Variants in TBC1D9 observed in about 807,000 individuals in gnomAD.
TBC1D9 encodes TBC1 domain family member 9.
A neutral mutation model predicts 132.0 loss-of-function variants in TBC1D9; 63 were observed. The observed-to-expected ratio is 0.48, with a 90% CI of 0.39 to 0.59. The LOEUF is 0.59. TBC1D9 is among the 20% of genes least tolerant of loss of function. TBC1D9 has a pLI of 0.00. For synonymous variants in TBC1D9, 610 were observed against 609.9 expected (o/e 1.00, Z 0.00); for missense variants, 1,261 against 1,592.7 (o/e 0.79, Z 3.54).
At chr4:140,680,033 A>G (rs1737681116) in intron 3 of TBC1D9, among the ~76,000 whole-genome samples, 190 bp from the exon 4 acceptor site, 1 of 152,192 alleles carries the variant, frequency 6.6e-6, no homozygotes, top group Admixed American at 6.5e-5. Context: ...CACATAATAT[A>G]GATTTTATTA....
chr4:140,669,774 A>C lies in TBC1D9; in HGVS notation c.1297T>G (p.Ser433Ala), dbSNP rs769515705. ...VYSRPSSLVSSSPQRSTSSDA... is the reference protein window; with the variant it reads ...VYSRPSSLVSASPQRSTSSDA... The stretch of plus-strand genomic sequence containing the variant: ...GAGCTCGTGCTTCTCTGGGGGCTGG[A>C]GGAGACGAGGCTGCTGGGTCGAGAG... Residue 433 changes from serine (S) to alanine (A), a missense_variant, in exon 8 of 21, where the codon TCC becomes GCC. By Grantham distance (99) the Ser-to-Ala change is moderately conservative. Coordinates refer to ENST00000442267, the MANE Select transcript of TBC1D9 (RefSeq NM_015130.3). 64 of 1,613,762 alleles carry C rather than the reference A, an allele frequency of 4.0e-5. 1 individual carries two copies. The highest frequency in any genetic ancestry group is 6.8e-6 in the Non-Finnish European group (8 of 1,179,818).
At chr4:140,685,908 A>T (rs1737771764) in intron 3 of TBC1D9, among the ~76,000 whole-genome samples, 1 of 151,562 alleles carries the variant, frequency 6.6e-6, no homozygotes, top group African/African-American at 2.4e-5. Flanking sequence ...AATAAGTTCT[A>T]ATGTTCCATA....
chr4:140,738,863 T>G (rs1458481537), intron 1 of TBC1D9, among the ~76,000 whole-genome samples: 1 of 152,142 alleles, frequency 6.6e-6, no homozygotes, highest in African/African-American at 2.4e-5. Context: ...AAAATCCACA[T>G]AGTTTTCACA....
intron 13 of TBC1D9, among the ~76,000 whole-genome samples, chr4:140,648,246 C>T (rs994015406): frequency 2.6e-5 from 4 of 152,174 alleles, no homozygotes; most frequent in African/African-American, 9.7e-5. Context: ...GTTTATATCT[C>T]TTATCCAACT....
At chr4:140,628,248 C>T in intron 17 of TBC1D9, 52 bp downstream of exon 17, 2 of 1,570,172 alleles carry the variant, frequency 1.3e-6, no homozygotes, top group South Asian at 1.1e-5. Flanking sequence ...ACAGAGACTT[C>T]AAGCCAGGTC....
chr4:140,673,683 A>C (rs1476584464), intron 6 of TBC1D9, among the ~76,000 whole-genome samples: 3 of 152,146 alleles, frequency 2.0e-5, no homozygotes, highest in African/African-American at 4.8e-5. Context: ...TTCCAACCAC[A>C]ACAAGCTTGA....
chr4:140,743,495 C>T (rs1578864772), intron 1 of TBC1D9, among the ~76,000 whole-genome samples: 1 of 152,154 alleles, frequency 6.6e-6, no homozygotes, highest in East Asian at 1.9e-4. Flanking sequence ...GATTTGAATC[C>T]AGCTGTCTGC....
At chr4:140,683,406 T>C (rs1737734296) in intron 3 of TBC1D9, among the ~76,000 whole-genome samples, 1 of 152,192 alleles carries the variant, frequency 6.6e-6, no homozygotes, top group African/African-American at 2.4e-5. Flanking sequence ...TAGTTGGCTA[T>C]AATTTTTTAG....
At chr4:140,714,351 C>A (rs1274937884) in intron 1 of TBC1D9, among the ~76,000 whole-genome samples, 2 of 152,174 alleles carry the variant, frequency 1.3e-5, no homozygotes, top group East Asian at 3.8e-4. Context: ...TCAATCAACA[C>A]ATGTAAGGTG....
intron 9 of TBC1D9, 87 bp downstream of exon 9, chr4:140,668,830 C>T (rs1405888706): frequency 1.1e-5 from 15 of 1,426,338 alleles, no homozygotes; most frequent in Non-Finnish European, 1.3e-5. Flanking sequence ...TTGAAAGAAC[C>T]CCTGAGGCAT....
intron 13 of TBC1D9, among the ~76,000 whole-genome samples, chr4:140,649,531 A>C (rs1737153743): frequency 6.6e-6 from 1 of 152,174 alleles, no homozygotes; most frequent in South Asian, 2.1e-4. Flanking sequence ...AAATTGATGG[A>C]ATGTGAGGCT....
At chr4:140,637,574 C>T (rs756654973) in intron 15 of TBC1D9, among the ~76,000 whole-genome samples, 87 of 152,318 alleles carry the variant, frequency 5.7e-4, no homozygotes, top group Non-Finnish European at 1.1e-3. Context: ...GCCCTGAGAA[C>T]GTTTCTTCTG....
chr4:140,701,220 C>G (rs1738064112), intron 2 of TBC1D9, among the ~76,000 whole-genome samples: 1 of 152,192 alleles, frequency 6.6e-6, no homozygotes, highest in Non-Finnish European at 1.5e-5. Context: ...CACCCTCACA[C>G]TCTTCCCTTG....
In TBC1D9 at chr4:140,670,910, T is replaced by C. The variant is rs1236916422; in HGVS notation, c.1076A>G (p.Lys359Arg). 1 of 1,613,578 alleles carries C rather than the reference T, an allele frequency of 6.2e-7. No individual in the cohort carries two copies. Among genetic ancestry groups the C allele is most frequent in the Admixed American group, 1.7e-5 (1 of 59,986 alleles). ...IPLREVTIVE[K>R]ADSSSVLPSP... ...GGGGAGCACACTGGAGCTGTCTGCC[T>C]TTTCCACAATTGTCACCTGAAAAGA... Residue 359 changes from lysine to arginine, a missense_variant, in exon 7 of 21, where the codon AAG becomes AGG. By Grantham distance (26) the Lys-to-Arg change is conservative (BLOSUM62 2). Coordinates refer to ENST00000442267, the MANE Select transcript of TBC1D9 (RefSeq NM_015130.3).
At chr4:140,691,752 G>A (rs564319081) in intron 2 of TBC1D9, among the ~76,000 whole-genome samples, 16 of 152,318 alleles carry the variant, frequency 1.1e-4, no homozygotes, top group Middle Eastern at 3.4e-3. Flanking sequence ...ATTTCAAGCA[G>A]TTTTTTAGGG....
intron 2 of TBC1D9, among the ~76,000 whole-genome samples, chr4:140,692,100 T>G (rs938529990): frequency 1.3e-5 from 2 of 152,228 alleles, no homozygotes; most frequent in Admixed American, 6.5e-5. Context: ...AAACCTGTAT[T>G]GCAGAATAAC....
chr4:140,668,516 C>A (rs1737482406), intron 9 of TBC1D9, among the ~76,000 whole-genome samples: 1 of 152,168 alleles, frequency 6.6e-6, no homozygotes, highest in Non-Finnish European at 1.5e-5. Flanking sequence ...CCCAATTCCC[C>A]ACCCGATGAC....
chr4:140,703,342 C>T (rs1411143938), intron 1 of TBC1D9, among the ~76,000 whole-genome samples: 1 of 152,102 alleles, frequency 6.6e-6, no homozygotes, highest in African/African-American at 2.4e-5. Flanking sequence ...TGGTTCTGGC[C>T]ATACCAAATA....
rs745948424 is a variant in TBC1D9, at chr4:140,639,270, C to G, written c.2436+60G>C. On this transcript the variant is annotated intron_variant, in intron 14 of 20. Coordinates refer to ENST00000442267, the MANE Select transcript of TBC1D9 (RefSeq NM_015130.3). ...GTTCTGTCAGGCAGGAATCCACAGC[C>G]AGCAGGAGTGTGAAGAAGGAAGATG... 21 of 1,493,554 alleles carry G rather than the reference C, an allele frequency of 1.4e-5. No individual in the cohort carries two copies. The Middle Eastern group carries it at 5.1e-4, about 36-fold the overall frequency. The allele number at this position is 1,493,554 out of a possible 1,614,324, so 92.5% of individuals were successfully genotyped here. A position where few individuals can be genotyped will look rare whatever the true frequency, so the allele number is the denominator to read the frequency against.
Sources: gnomAD v4.1 joint callset for allele counts (sites outside exome capture counted in the v4.1 genomes callset) on GRCh38, gnomAD v4.1.1 for gene constraint, MANE v1.5 for transcripts, NCBI Gene and HGNC (gene_info 2026-07-23, HGNC 2026-07-21) for gene names.